The following LDB2 variants were observed in gnomAD, a reference collection of about 807,000 sequenced individuals.
LDB2 encodes the protein LIM domain-binding protein 2.
LDB2 carries 12 observed loss-of-function variants against 44.3 expected under a neutral mutation model. That is an observed-to-expected ratio of 0.27 (90% CI 0.17 to 0.44). The LOEUF (loss-of-function observed/expected upper bound fraction) is 0.44. Among genes scored for constraint, LDB2 ranks in the 20% least tolerant of loss-of-function variants. LDB2 has a pLI of 1.00. For synonymous variants in LDB2, 164 were observed against 174.8 expected (o/e 0.94, Z 0.49); for missense variants, 344 against 473.5 (o/e 0.73, Z 2.54).
intron 1 of LDB2, among the ~76,000 whole-genome samples, chr4:16,874,873 C>T (rs1717897455): frequency 6.6e-6 from 1 of 152,232 alleles, no homozygotes; most frequent in East Asian, 1.9e-4. Context: ...TATGTATGCA[C>T]AAGAGTGGCA....
intron 2 of LDB2, among the ~76,000 whole-genome samples, chr4:16,724,804 A>G (rs1487308591): frequency 6.6e-6 from 1 of 152,204 alleles, no homozygotes; most frequent in African/African-American, 2.4e-5. Flanking sequence ...GAGTAATTAA[A>G]CAATTCCGAA....
At chr4:16,740,392 G>T (rs1048310465) in intron 2 of LDB2, among the ~76,000 whole-genome samples, 1 of 152,202 alleles carries the variant, frequency 6.6e-6, no homozygotes, top group East Asian at 1.9e-4. Context: ...TGTCTATCAC[G>T]ATGCATCCTC....
At chr4:16,557,157 G>A (rs1421382959) in intron 5 of LDB2, among the ~76,000 whole-genome samples, 1 of 152,176 alleles carries the variant, frequency 6.6e-6, no homozygotes, top group Non-Finnish European at 1.5e-5. Context: ...CGCAGAAGAC[G>A]GGTGATTTCT....
At chr4:16,508,774 T>C (rs868519964) in intron 6 of LDB2, 88 bp from the exon 7 acceptor site, 2 of 1,303,706 alleles carry the variant, frequency 1.5e-6, no homozygotes, top group Non-Finnish European at 2.1e-6. Context: ...GAAGCTGTCT[T>C]GGTAAACTGA....
chr4:16,545,597 GTA>G (rs751947226), intron 5 of LDB2, among the ~76,000 whole-genome samples: 76 of 152,266 alleles, frequency 5.0e-4, no homozygotes, highest in Non-Finnish European at 8.8e-4. Context: ...GGGTTATTCT[GTA>G]TTCACCAGCA....
At chr4:16,806,549 C>T (rs541161586) in intron 1 of LDB2, among the ~76,000 whole-genome samples, 9 of 152,322 alleles carry the variant, frequency 5.9e-5, no homozygotes, top group Admixed American at 1.3e-4. Flanking sequence ...AGTGAGCAGG[C>T]AGTTGCAGAG....
chr4:16,693,363 T>TTTTTTTTG (rs2152607702), intron 2 of LDB2, among the ~76,000 whole-genome samples: 1 of 148,382 alleles, frequency 6.7e-6, no homozygotes, highest in South Asian at 2.1e-4. Flanking sequence ...TTTTTTTTTT[T>TTTTTTTTG]TTTTTTGAGA....
chr4:16,624,004 C>T (rs538185716), intron 2 of LDB2, among the ~76,000 whole-genome samples: 1 of 152,264 alleles, frequency 6.6e-6, no homozygotes, highest in South Asian at 2.1e-4. Flanking sequence ...TTGCCACCTC[C>T]CTCCAAACTC....
At chr4:16,514,784 T>A (rs1005318070) in intron 5 of LDB2, among the ~76,000 whole-genome samples, 4 of 152,220 alleles carry the variant, frequency 2.6e-5, no homozygotes, top group Admixed American at 6.5e-5. Context: ...CAATCTTGCT[T>A]ACTTTGATGT....
At chr4:16,689,654 G>A (rs1232020652) in intron 2 of LDB2, among the ~76,000 whole-genome samples, 1 of 152,094 alleles carries the variant, frequency 6.6e-6, no homozygotes, top group Non-Finnish European at 1.5e-5. Context: ...ATAATTTGAG[G>A]GAAATAAATT....
intron 1 of LDB2, among the ~76,000 whole-genome samples, chr4:16,885,163 A>AC (rs1293781374): frequency 8.6e-5 from 13 of 150,350 alleles, no homozygotes; most frequent in Non-Finnish European, 1.5e-4. Flanking sequence ...CTAAAAAAAA[A>AC]AAAAAAAAAA....
chr4:16,727,812 G>A (rs1759846993), intron 2 of LDB2, among the ~76,000 whole-genome samples: 1 of 152,066 alleles, frequency 6.6e-6, no homozygotes, highest in South Asian at 2.1e-4. Flanking sequence ...TTAAGATGGA[G>A]GCAAGTTCTA....
At chr4:16,534,307 T>C (rs1731041123) in intron 5 of LDB2, among the ~76,000 whole-genome samples, 1 of 152,152 alleles carries the variant, frequency 6.6e-6, no homozygotes, top group Admixed American at 6.5e-5. Flanking sequence ...ACCCATGGAG[T>C]ATCATGATAC....
intron 1 of LDB2, among the ~76,000 whole-genome samples, chr4:16,806,964 A>C (rs1579842665): frequency 6.6e-6 from 1 of 152,196 alleles, no homozygotes; most frequent in East Asian, 1.9e-4. Context: ...TGCTATATAC[A>C]CATTATTAGT....
intron 1 of LDB2, among the ~76,000 whole-genome samples, chr4:16,796,012 G>A (rs1776655340): frequency 6.6e-6 from 1 of 152,042 alleles, no homozygotes. Context: ...CATTAAATGA[G>A]CCGGCGCGGT....
chr4:16,558,759 C>T (rs932481762), intron 5 of LDB2, among the ~76,000 whole-genome samples: 2 of 151,992 alleles, frequency 1.3e-5, no homozygotes. Context: ...ACATAATTGT[C>T]AGATTCACCA....
chr4:16,768,483 A>T (rs1016142762), intron 1 of LDB2, among the ~76,000 whole-genome samples: 7 of 152,180 alleles, frequency 4.6e-5, no homozygotes, highest in African/African-American at 1.7e-4. Flanking sequence ...AGGCAGAAAC[A>T]CACTTGCTAC....
chr4:16,642,274 T>A (rs900165972), intron 2 of LDB2, among the ~76,000 whole-genome samples: 5 of 152,004 alleles, frequency 3.3e-5, no homozygotes, highest in Non-Finnish European at 7.4e-5. Flanking sequence ...TCTAGCATGA[T>A]TAATATGACA....
chr4:16,734,663 G>T (rs183998), intron 2 of LDB2, among the ~76,000 whole-genome samples: 1 of 150,232 alleles, frequency 6.7e-6, no homozygotes, highest in Admixed American at 6.6e-5. Flanking sequence ...TCTCACCAAA[G>T]ATGAGGAAGA....
Sources: allele counts gnomAD v4.1 joint callset (sites outside exome capture counted in the v4.1 genomes callset), GRCh38; gene constraint gnomAD v4.1.1; transcripts MANE v1.5; gene names NCBI Gene and HGNC (gene_info 2026-07-23, HGNC 2026-07-21).